The following AGBL1 variants were observed in gnomAD, a reference collection of about 807,000 sequenced individuals.
AGBL1 encodes cytosolic carboxypeptidase 4.
In AGBL1, 130 loss-of-function variants were observed where a neutral mutation model predicts 118.9. The ratio of observed to expected loss-of-function variants is 1.09; its 90% confidence interval spans 0.95 to 1.26. The LOEUF (loss-of-function observed/expected upper bound fraction) is 1.26, where lower values mean the gene tolerates loss of function less well. AGBL1 is among the 50% of genes most tolerant of loss of function. AGBL1 has a pLI of 0.00. For synonymous variants in AGBL1, 555 were observed against 478.9 expected, an observed-to-expected ratio of 1.16 and a Z score of -2.08; for missense variants, 1,584 against 1,298.1, an observed-to-expected ratio of 1.22 and a Z score of -3.38.
chr15:86,627,086 C>A (rs1037033395), intron 21 of AGBL1, among the ~76,000 whole-genome samples: 1 of 151,946 alleles, frequency 6.6e-6, no homozygotes. Context: ...CCGCAACCTC[C>A]GCCTCCTGGG....
chr15:86,612,644 A>G (rs1172144559), intron 21 of AGBL1, among the ~76,000 whole-genome samples: 2 of 152,248 alleles, frequency 1.3e-5, no homozygotes, highest in South Asian at 2.1e-4. Flanking sequence ...TTTACACCCA[A>G]ATATATTTCT....
intron 22 of AGBL1, among the ~76,000 whole-genome samples, chr15:86,830,427 G>A (rs1290958298): frequency 6.6e-6 from 1 of 152,006 alleles, no homozygotes; most frequent in East Asian, 1.9e-4. Flanking sequence ...CTTCCAGAAA[G>A]CATCTACCAC....
At chr15:86,249,457 T>C (rs999532101) in intron 7 of AGBL1, among the ~76,000 whole-genome samples, 68 of 152,348 alleles carry the variant, frequency 4.5e-4, no homozygotes, top group African/African-American at 1.6e-3. Context: ...ACTCCCTATC[T>C]GCTATCACCT....
intron 22 of AGBL1, among the ~76,000 whole-genome samples, chr15:86,721,645 G>A (rs1167093344): frequency 2.0e-5 from 3 of 152,208 alleles, no homozygotes; most frequent in Non-Finnish European, 2.9e-5. Flanking sequence ...AGTGTTGGAA[G>A]TTCTGGCCAG....
intron 22 of AGBL1, among the ~76,000 whole-genome samples, chr15:86,697,983 A>G (rs1596379946): frequency 6.6e-6 from 1 of 151,932 alleles, no homozygotes; most frequent in East Asian, 1.9e-4. Flanking sequence ...AGAGTCTATG[A>G]ATTTTCTTAG....
rs772457503 is a variant in AGBL1 at position 86,279,506 on chromosome 15, T to G, written c.2076-133T>G. The G allele has an allele frequency of 5.2e-4, 424 of 817,564 alleles. 1 individual carries two copies. Among genetic ancestry groups the G allele is most frequent in the Non-Finnish European group, 7.0e-4 (366 of 526,530 alleles). The allele number at this position is 817,564 out of a possible 1,614,324, so 50.6% of individuals were successfully genotyped here. ...CTTTTCTCAGTTTCACCCACAGAAA[T>G]GTTTCAAGTGAAGGCCATTGTGCCA... On this transcript the variant is annotated intron_variant, in intron 15 of 22. Coordinates refer to ENST00000614907, the MANE Select transcript of AGBL1 (RefSeq NM_001386094.1).
chr15:86,408,495 A>T (rs1336325615), intron 18 of AGBL1, among the ~76,000 whole-genome samples: 1 of 152,224 alleles, frequency 6.6e-6, no homozygotes, highest in Admixed American at 6.5e-5. Flanking sequence ...TCTTCCTGGG[A>T]GCTGACAAAG....
chr15:86,153,309 C>A (rs1449176469), intron 3 of AGBL1, among the ~76,000 whole-genome samples: 1 of 152,140 alleles, frequency 6.6e-6, no homozygotes, highest in African/African-American at 2.4e-5. Flanking sequence ...GGCACATATA[C>A]CCCATGGAAT....
intron 23 of AGBL1, among the ~76,000 whole-genome samples, chr15:86,966,723 C>A (rs990182259): frequency 6.6e-6 from 1 of 152,084 alleles, no homozygotes; most frequent in Admixed American, 6.6e-5. Flanking sequence ...TCCAGTCTAT[C>A]ATTGCTGGAC....
intron 23 of AGBL1, among the ~76,000 whole-genome samples, chr15:86,967,109 C>A (rs1290873733): frequency 6.6e-6 from 1 of 152,144 alleles, no homozygotes; most frequent in Admixed American, 6.6e-5. Context: ...TGTCTTTTGG[C>A]TGCATAAATG....
At chr15:86,325,628 C>T (rs767977367) in intron 17 of AGBL1, among the ~76,000 whole-genome samples, 12 of 152,172 alleles carry the variant, frequency 7.9e-5, no homozygotes, top group Non-Finnish European at 1.6e-4. Context: ...GCCAGCTCCA[C>T]AGCCCAATCA....
At chr15:86,098,303 C>T (rs1453600716) in intron 1 of AGBL1, among the ~76,000 whole-genome samples, 1 of 152,100 alleles carries the variant, frequency 6.6e-6, no homozygotes, top group Admixed American at 6.6e-5. Flanking sequence ...TGCACAGCAG[C>T]TTTTTAGTTT....
chr15:86,815,707 T>C (rs2078848763), intron 22 of AGBL1, among the ~76,000 whole-genome samples: 1 of 151,190 alleles, frequency 6.6e-6, no homozygotes, highest in African/African-American at 2.4e-5. Flanking sequence ...CCAATCTTTC[T>C]GATATATTTA....
intron 13 of AGBL1, among the ~76,000 whole-genome samples, chr15:86,267,462 G>A (rs537143553): frequency 2.4e-4 from 36 of 152,220 alleles, no homozygotes; most frequent in Middle Eastern, 6.8e-3. Flanking sequence ...TGAAGGGAAG[G>A]GTACATGGGC....
At chr15:86,540,447 T>A (rs1331461946) in intron 19 of AGBL1, among the ~76,000 whole-genome samples, 1 of 152,016 alleles carries the variant, frequency 6.6e-6, no homozygotes, top group Non-Finnish European at 1.5e-5. Flanking sequence ...CACAAAAAGT[T>A]AGCTGAGCGT....
intron 16 of AGBL1, among the ~76,000 whole-genome samples, chr15:86,286,044 A>G (rs538394400): frequency 2.2e-4 from 33 of 152,128 alleles, no homozygotes; most frequent in African/African-American, 6.3e-4. Flanking sequence ...GCTTAATTGT[A>G]ATATCACAGA....
intron 18 of AGBL1, among the ~76,000 whole-genome samples, chr15:86,469,320 A>G (rs1190874274): frequency 6.6e-6 from 1 of 152,148 alleles, no homozygotes; most frequent in East Asian, 1.9e-4. Flanking sequence ...TTCCACATAT[A>G]AGTGAGACCA....
At chr15:86,362,743 G>C (rs2080824487) in intron 17 of AGBL1, among the ~76,000 whole-genome samples, 1 of 152,202 alleles carries the variant, frequency 6.6e-6, no homozygotes, top group Non-Finnish European at 1.5e-5. Flanking sequence ...TGGTAGGGCA[G>C]GGCTAGAGCT....
At chr15:86,457,909 G>C (rs2082280587) in intron 18 of AGBL1, among the ~76,000 whole-genome samples, 1 of 152,180 alleles carries the variant, frequency 6.6e-6, no homozygotes, top group Non-Finnish European at 1.5e-5. Context: ...ATTCTTCCAT[G>C]TGGGGCCCTT....
Sources: gnomAD v4.1 joint callset for allele counts (sites outside exome capture counted in the v4.1 genomes callset) on GRCh38, gnomAD v4.1.1 for gene constraint, MANE v1.5 for transcripts, NCBI Gene and HGNC (gene_info 2026-07-23, HGNC 2026-07-21) for gene names.